Variants in HERC4 observed in about 807,000 individuals in gnomAD.
HERC4 encodes HECT and RLD domain containing E3 ubiquitin protein ligase 4, also known as probable E3 ubiquitin-protein ligase HERC4.
Under a neutral mutation model 124.3 loss-of-function variants are expected in HERC4, and 28 were observed. That is an observed-to-expected ratio of 0.23 (90% CI 0.17 to 0.31). The LOEUF (loss-of-function observed/expected upper bound fraction) is 0.31, where lower values mean the gene tolerates loss of function less well. Among genes scored for constraint, HERC4 ranks in the 10% least tolerant of loss-of-function variants. HERC4 has a pLI of 1.00. For synonymous variants in HERC4, 407 were observed against 421.5 expected (o/e 0.97, Z 0.42); for missense variants, 713 against 1,229.3 (o/e 0.58, Z 6.28).
At chr10:68,021,756 C>T (rs1415995453) in intron 8 of HERC4, among the ~76,000 whole-genome samples, 3 of 151,880 alleles carry the variant, frequency 2.0e-5, no homozygotes, top group Non-Finnish European at 2.9e-5. Flanking sequence ...TGCGGTGAGC[C>T]GAGATCACGC....
chr10:68,016,644 C>T (rs796174518), intron 8 of HERC4, among the ~76,000 whole-genome samples: 8 of 152,292 alleles, frequency 5.3e-5, no homozygotes, highest in African/African-American at 1.9e-4. Context: ...AGCCACTGCA[C>T]CCGGCCCAAT....
intron 3 of HERC4, among the ~76,000 whole-genome samples, chr10:68,046,971 A>C (rs897225337): frequency 6.0e-5 from 9 of 149,202 alleles, no homozygotes; most frequent in Non-Finnish European, 8.9e-5. Context: ...AAAAACAAAC[A>C]AACAAACAAA....
chr10:68,033,100 T>A (rs187086424), intron 6 of HERC4, among the ~76,000 whole-genome samples: 3 of 152,278 alleles, frequency 2.0e-5, no homozygotes, highest in African/African-American at 7.2e-5. Context: ...TATGCCAGTA[T>A]GCAAAGGACT....
intron 23 of HERC4, among the ~76,000 whole-genome samples, chr10:67,928,316 G>C (rs1185895985): frequency 1.3e-5 from 2 of 152,118 alleles, no homozygotes; most frequent in Admixed American, 1.3e-4. Context: ...GGACCCCTTA[G>C]AGTTAGTATC....
At chr10:68,016,354 A>T (rs573918460) in intron 8 of HERC4, among the ~76,000 whole-genome samples, 22 of 152,184 alleles carry the variant, frequency 1.4e-4, no homozygotes, top group African/African-American at 4.8e-4. Flanking sequence ...TTTCTTTTTT[A>T]AAAATTTTAT....
chr10:68,029,884 G>A (rs573189958), intron 7 of HERC4, among the ~76,000 whole-genome samples: 27 of 150,936 alleles, frequency 1.8e-4, no homozygotes, highest in African/African-American at 5.6e-4. Context: ...GATTACAGGC[G>A]CCTGCCACCA....
chr10:67,965,932 G>C (rs530540288), intron 16 of HERC4: 1 of 152,260 alleles, frequency 6.6e-6, no homozygotes, highest in South Asian at 2.1e-4. Context: ...AGTTTTATAA[G>C]ACCATGGTAC....
At position 67,922,192 on chromosome 10, in the gene HERC4, C is replaced by G. The variant is rs1013760252; in HGVS notation, c.*739G>C. On this transcript the variant is annotated 3_prime_UTR_variant, in exon 25 of 25. Transcript: ENST00000373700. ...CAATGTTTCTTTTTATTACTGGCAA[C>G]TGTGGAGACAGAGTTCTTCCAGTAC... is the stretch of plus-strand genomic sequence containing the variant. 2 of 152,126 alleles carry G rather than the reference C, an allele frequency of 1.3e-5. No homozygotes were observed. Among genetic ancestry groups the G allele is most frequent in the Non-Finnish European group, 2.9e-5 (2 of 68,000 alleles). 9.4% of individuals were successfully genotyped at this position (152,126 alleles called of 1,614,324 possible).
At chr10:67,927,430 A>ATT (rs373401588) in intron 23 of HERC4, among the ~76,000 whole-genome samples, 941 of 37,482 alleles carry the variant, frequency 0.025, 36 homozygotes, top group Middle Eastern at 0.071. Flanking sequence ...ATATATATAT[A>ATT]TTTTTTTTTT....
At chr10:67,986,715 A>G (rs1172815268) in intron 15 of HERC4, among the ~76,000 whole-genome samples, 1 of 152,122 alleles carries the variant, frequency 6.6e-6, no homozygotes, top group African/African-American at 2.4e-5. Flanking sequence ...TGGTATTTCA[A>G]TCCTTATAGA....
intron 8 of HERC4, among the ~76,000 whole-genome samples, chr10:68,018,900 C>CTTTTT (rs34948748): frequency 2.1e-5 from 2 of 93,132 alleles, no homozygotes; most frequent in Non-Finnish European, 4.4e-5. Context: ...CCCCACAAGG[C>CTTTTT]TTTTTTTTTT....
intron 23 of HERC4, 48 bp downstream of exon 23, chr10:67,932,549 T>A: frequency 6.7e-7 from 1 of 1,498,912 alleles, no homozygotes; most frequent in Non-Finnish European, 9.1e-7. Flanking sequence ...AAGATTTCCA[T>A]ATATAAATCT....
chr10:68,043,264 T>C (rs1324152098), intron 4 of HERC4, among the ~76,000 whole-genome samples: 2 of 152,180 alleles, frequency 1.3e-5, no homozygotes, highest in African/African-American at 4.8e-5. Flanking sequence ...GTTTTGAGAA[T>C]ACTGACTCAG....
chr10:67,956,755 T>C (rs1277174101), intron 17 of HERC4, 123 bp downstream of exon 17: 1 of 520,004 alleles, frequency 1.9e-6, no homozygotes, highest in Non-Finnish European at 3.4e-6. Context: ...GCAGTCTTCT[T>C]TATAGCTACC....
In HERC4 at chr10:68,007,538, G is replaced by A. The variant is rs537669000; in HGVS notation, c.1069+6488C>T. Among the ~76,000 whole-genome samples, 10 of 152,154 alleles carry A rather than the reference G, an allele frequency of 6.6e-5. No individual in the cohort carries two copies. In the East Asian group the frequency reaches 9.7e-4, roughly 15 times the overall value. The stretch of plus-strand genomic sequence containing the variant: ...TCTAAATTTTCAGCAATGTCTAAGC[G>A]CTGAAGAGTTAGGTATTTATTCTAT... On this transcript the variant is annotated intron_variant, in intron 9 of 24. Transcript: ENST00000373700.
chr10:67,995,942 T>C (rs935262136), intron 9 of HERC4: 4 of 276,002 alleles, frequency 1.4e-5, no homozygotes, highest in African/African-American at 9.3e-5. Flanking sequence ...TCAATGTGTA[T>C]GAACAGACAT....
At chr10:67,976,805 T>C (rs1031398681) in intron 15 of HERC4, among the ~76,000 whole-genome samples, 3 of 152,042 alleles carry the variant, frequency 2.0e-5, no homozygotes, top group African/African-American at 7.3e-5. Flanking sequence ...CAGCAAAAAG[T>C]AAAACTGGAT....
At chr10:67,996,235 G>A in intron 9 of HERC4, 2 of 367,904 alleles carry the variant, frequency 5.4e-6, no homozygotes, top group East Asian at 8.8e-5. Context: ...TCACGCCACT[G>A]CAATCCAGCC....
At chr10:68,003,939 C>T (rs599870) in intron 9 of HERC4, among the ~76,000 whole-genome samples, 150,919 of 152,336 alleles carry the variant, frequency 0.99, 74,782 homozygotes, top group East Asian at 1. Flanking sequence ...CTGTTCTCCA[C>T]AGTGGCTATA....
Sources: gnomAD v4.1 joint callset for allele counts (sites outside exome capture counted in the v4.1 genomes callset) on GRCh38, gnomAD v4.1.1 for gene constraint, MANE v1.5 for transcripts, NCBI Gene and HGNC (gene_info 2026-07-23, HGNC 2026-07-21) for gene names.